The following GTF3C1 variants were observed in gnomAD, a reference collection of about 807,000 sequenced individuals.
The protein encoded by GTF3C1 is general transcription factor IIIC subunit 1, also known as general transcription factor 3C polypeptide 1.
GTF3C1 carries 57 observed loss-of-function variants against 226.7 expected under a neutral mutation model. That is an observed-to-expected ratio of 0.25 (90% CI 0.20 to 0.31). GTF3C1 has a LOEUF of 0.31. Among genes scored for constraint, GTF3C1 ranks in the 10% least tolerant of loss-of-function variants. The pLI, the probability that GTF3C1 is intolerant of heterozygous loss-of-function variation, is 1.00. For synonymous variants in GTF3C1, 1,090 were observed against 1,084.8 expected (o/e 1.00, Z -0.09); for missense variants, 2,217 against 2,776.1 (o/e 0.80, Z 4.53).
intron 6 of GTF3C1, among the ~76,000 whole-genome samples, chr16:27,513,767 G>A (rs1567405528): frequency 6.6e-6 from 1 of 152,200 alleles, no homozygotes; most frequent in Non-Finnish European, 1.5e-5. Context: ...AAGAATAACA[G>A]GGACAGCTTC....
chr16:27,541,253 A>G (rs1469200956), intron 2 of GTF3C1, among the ~76,000 whole-genome samples: 2 of 152,212 alleles, frequency 1.3e-5, no homozygotes, highest in Non-Finnish European at 2.9e-5. Context: ...TCCTGGAGGT[A>G]AGAGGTGCAG....
At position 27,460,880 on chromosome 16, in the gene GTF3C1, T is replaced by C. The variant is rs1354283801; in HGVS notation, c.*470A>G. 1 of 154,722 alleles carries C rather than the reference T, an allele frequency of 6.5e-6. No individual in the cohort carries two copies. The highest frequency in any genetic ancestry group is 6.2e-5 in the Admixed American group (1 of 16,024). The allele number at this position is 154,722 out of a possible 1,614,324, so 9.6% of individuals were successfully genotyped here. A position where few individuals can be genotyped will look rare whatever the true frequency, so the allele number is the denominator to read the frequency against. On this transcript the variant is annotated 3_prime_UTR_variant, in exon 37 of 37. Transcript: ENST00000356183. ...TCAGTCCCAGCCAGGGGTTGGGATG[T>C]CCTGCCTGCGGAGGGGCCACAGCCC... is the stretch of plus-strand genomic sequence containing the variant.
In GTF3C1 at chr16:27,463,710, G is replaced by A. The variant is rs1596610061; in HGVS notation, c.5873-118C>T. ...GGCACCTCGAGGCTCAGGGGATGAA[G>A]TGTCAAAAAAAAAGGACAATGAGCA... On this transcript the variant is annotated intron_variant, in intron 34 of 36. Coordinates refer to ENST00000356183, the MANE Select transcript of GTF3C1 (RefSeq NM_001520.4). The surrounding 1 kb of genome is among the most constrained non-coding windows in gnomAD (Gnocchi z 4.9). The A allele has an allele frequency of 1.4e-6, 1 of 740,220 alleles. No homozygotes were observed. The highest frequency in any genetic ancestry group is 2.4e-6 in the Non-Finnish European group (1 of 409,154). The allele number at this position is 740,220 out of a possible 1,614,324, so 45.9% of individuals were successfully genotyped here. A position where few individuals can be genotyped will look rare whatever the true frequency, so the allele number is the denominator to read the frequency against.
At chr16:27,500,548 A>G (rs2088389906) in intron 12 of GTF3C1, among the ~76,000 whole-genome samples, 1 of 152,206 alleles carries the variant, frequency 6.6e-6, no homozygotes, top group African/African-American at 2.4e-5. Flanking sequence ...TCAGAAGAAA[A>G]GGTCAGGAAA....
At chr16:27,535,804 C>T (rs1161054422) in intron 4 of GTF3C1, among the ~76,000 whole-genome samples, 1 of 151,802 alleles carries the variant, frequency 6.6e-6, no homozygotes, top group African/African-American at 2.4e-5. Flanking sequence ...GCGGAGATCG[C>T]GCCATCGCAC....
Position 27,488,216 on chromosome 16 carries a change from C to T in GTF3C1, c.3700+11G>A, listed in dbSNP as rs1471547643. On this transcript the variant is annotated intron_variant, in intron 23 of 36. Transcript: ENST00000356183. The stretch of plus-strand genomic sequence containing the variant: ...ACAAGGCCCAGTAAATGAAAATGAT[C>T]ACCACATAACCTTTCTTCTTTCTCT... The T allele has an allele frequency of 6.2e-7, 1 of 1,603,820 alleles. No individual in the cohort carries two copies. Among genetic ancestry groups the T allele is most frequent in the Non-Finnish European group, 8.5e-7 (1 of 1,173,204 alleles).
intron 1 of GTF3C1, among the ~76,000 whole-genome samples, chr16:27,547,948 A>G (rs1364039634): frequency 1.3e-5 from 2 of 152,130 alleles, no homozygotes. Context: ...TTCCAGTCCA[A>G]TTTGGCTGGA....
At position 27,461,665 on chromosome 16, in the gene GTF3C1, C is replaced by A; in HGVS notation, c.6118-103G>T. Reference sequence around the variant, plus strand: ...ATGCCCCCTCTGTACCAGGGAGCCACTTCCCAGAGCAGGGGGCACCTGAAC... The same window carrying A: ...ATGCCCCCTCTGTACCAGGGAGCCAATTCCCAGAGCAGGGGGCACCTGAAC... On this transcript the variant is annotated intron_variant, in intron 36 of 36. Transcript: ENST00000356183. The surrounding 1 kb of genome is among the most constrained non-coding windows in gnomAD (Gnocchi z 5.3). 2 of 855,822 alleles carry A rather than the reference C, an allele frequency of 2.3e-6. No homozygotes were observed. Among genetic ancestry groups the A allele is most frequent in the Non-Finnish European group, 3.7e-6 (2 of 537,246 alleles). 53.0% of individuals were successfully genotyped at this position (855,822 alleles called of 1,614,324 possible).
chr16:27,549,444 C>T (rs2141478122), intron 1 of GTF3C1, among the ~76,000 whole-genome samples: 1 of 152,300 alleles, frequency 6.6e-6, no homozygotes, highest in East Asian at 1.9e-4. Context: ...AGGGACAAAA[C>T]GGGACATCAC....
chr16:27,474,650 T>C (rs1439354394), intron 29 of GTF3C1, among the ~76,000 whole-genome samples: 1 of 152,220 alleles, frequency 6.6e-6, no homozygotes, highest in African/African-American at 2.4e-5. Flanking sequence ...GGACTGTTTA[T>C]TTGGAACTTC....
chr16:27,484,356 G>T lies in GTF3C1; in HGVS notation c.3859-3C>A. ...CAGGTGACAAATGGGCCCTTCACCTGGATCAAACACAGAGCCAAGACAAAA... is the reference window on the plus strand; with the variant it reads ...CAGGTGACAAATGGGCCCTTCACCTTGATCAAACACAGAGCCAAGACAAAA... On this transcript the variant is annotated splice_polypyrimidine_tract_variant and splice_region_variant and intron_variant, in intron 24 of 36. Transcript: ENST00000356183. 6.2e-7 allele frequency: 1 copy of T among 1,603,410 alleles called. No homozygotes were observed. Among genetic ancestry groups the T allele is most frequent in the Non-Finnish European group, 8.5e-7 (1 of 1,170,488 alleles).
At chr16:27,520,417 C>T (rs2088727579) in intron 6 of GTF3C1, among the ~76,000 whole-genome samples, 1 of 151,550 alleles carries the variant, frequency 6.6e-6, no homozygotes, top group Admixed American at 6.6e-5. Flanking sequence ...GCCCAGCCAG[C>T]CTTGCCTGGA....
chr16:27,462,138 A>G lies in GTF3C1; in HGVS notation c.6117+156T>C. ...GAGCTGGTGAAGGACACTGAGGGACAGCCTGAGAGGCAGGAGCCCAGGACA... is the reference window on the plus strand; with the variant it reads ...GAGCTGGTGAAGGACACTGAGGGACGGCCTGAGAGGCAGGAGCCCAGGACA... On this transcript the variant is annotated intron_variant, in intron 36 of 36. Transcript: ENST00000356183. This position sits in a 1 kb window ranked among gnomAD's most constrained non-coding sequence, Gnocchi z 4.5. 1.6e-6 allele frequency: 1 copy of G among 612,842 alleles called. No homozygotes were observed. The highest frequency in any genetic ancestry group is 1.9e-5 in the South Asian group (1 of 51,830). 38.0% of individuals were successfully genotyped at this position (612,842 alleles called of 1,614,324 possible). A position where few individuals can be genotyped will look rare whatever the true frequency, so the allele number is the denominator to read the frequency against.
rs948068883 is a variant in GTF3C1 at position 27,502,178 on chromosome 16, C to T, written c.1907+681G>A. 3.3e-5 allele frequency among the ~76,000 whole-genome samples: 5 copies of T among 152,060 alleles called. No individual in the cohort carries two copies. In the East Asian group the frequency reaches 5.8e-4, roughly 18 times the overall value. On this transcript the variant is annotated intron_variant, in intron 11 of 36. Coordinates refer to ENST00000356183, the MANE Select transcript of GTF3C1 (RefSeq NM_001520.4). ...AGCTCAACCTCTCATGGCTCAGAGG[C>T]GAACAAGGTGACAGTGTGTGCAGAT...
At chr16:27,502,807 G>A (rs1474932154) in intron 11 of GTF3C1, 52 bp downstream of exon 11, 8 of 1,541,556 alleles carry the variant, frequency 5.2e-6, no homozygotes, top group East Asian at 4.9e-5. Flanking sequence ...CAACTGGTAG[G>A]AGGATTACTG....
At chr16:27,478,161 A>T (rs1171465574) in intron 28 of GTF3C1, among the ~76,000 whole-genome samples, 2 of 151,206 alleles carry the variant, frequency 1.3e-5, no homozygotes, top group Non-Finnish European at 2.9e-5. Context: ...AAAGAGCAAG[A>T]CTCCATCTCA....
rs188273090 is a variant in GTF3C1, at chr16:27,491,054, C to A, written c.3151+1284G>T. 6.7e-3 allele frequency among the ~76,000 whole-genome samples: 1,022 copies of A among 152,240 alleles called. 14 individuals are homozygous for A. The highest frequency in any genetic ancestry group is 0.024 in the African/African-American group (980 of 41,542). ...AGGGCATTATTAAAATCTAAATTGGCAAAAGCCTAGCTCACTGCTGAATGC... is the reference window on the plus strand; with the variant it reads ...AGGGCATTATTAAAATCTAAATTGGAAAAAGCCTAGCTCACTGCTGAATGC... On this transcript the variant is annotated intron_variant, in intron 19 of 36. Coordinates refer to ENST00000356183, the MANE Select transcript of GTF3C1 (RefSeq NM_001520.4).
At chr16:27,525,184 A>ATAAAAGAAAAGAAAAGAAAGAAT (rs2088812604) in intron 6 of GTF3C1, among the ~76,000 whole-genome samples, 1 of 146,798 alleles carries the variant, frequency 6.8e-6, no homozygotes, top group Non-Finnish European at 1.5e-5. Flanking sequence ...AAAGAAAGAA[A>ATAAAAGAAAAGAAAAGAAAGAAT]TAAAAGAAAA....
chr16:27,498,692 A>G lies in GTF3C1; in HGVS notation c.2103T>C (p.Pro701=), dbSNP rs1304029131. The change falls in exon 13 of 37, where the codon CCT becomes CCC. Residue 701 remains proline (P), a synonymous_variant. Coordinates refer to ENST00000356183, the MANE Select transcript of GTF3C1 (RefSeq NM_001520.4). ...CCTGCTCGATGGCACTTCTCACTAG[A>G]GGGTCGTTCTGGTCCATGGACGGGT... ...VVHPSMDQND[P]LVRSAIEQVR... 6.2e-7 allele frequency: 1 copy of G among 1,607,232 alleles called. No homozygotes were observed. The highest frequency in any genetic ancestry group is 1.7e-5 in the Admixed American group (1 of 60,020).
Sources: allele counts gnomAD v4.1 joint callset (sites outside exome capture counted in the v4.1 genomes callset), GRCh38; gene constraint gnomAD v4.1.1; non-coding constraint Gnocchi (gnomAD v3.1); transcripts MANE v1.5; gene names NCBI Gene and HGNC (gene_info 2026-07-23, HGNC 2026-07-21).